Variants in GABPB1 observed in about 807,000 individuals in gnomAD.
GABPB1 encodes GA binding protein transcription factor subunit beta 1, also known as GA-binding protein subunit beta-1.
GABPB1 carries 15 observed loss-of-function variants against 45.9 expected under a neutral mutation model. The ratio of observed to expected loss-of-function variants is 0.33; its 90% CI spans 0.22 to 0.50. The LOEUF (loss-of-function observed/expected upper bound fraction) is 0.50. Ranked by LOEUF, GABPB1 falls within the 20% of genes least tolerant of loss-of-function variation. GABPB1 has a pLI of 0.98. For missense variants in GABPB1, 252 were observed against 457.5 expected, an observed-to-expected ratio of 0.55 and a Z score of 4.10; for synonymous variants, 143 against 154.4, an observed-to-expected ratio of 0.93 and a Z score of 0.55.
chr15:50,312,886 C>T (rs767263465), intron 1 of GABPB1, among the ~76,000 whole-genome samples: 5 of 151,954 alleles, frequency 3.3e-5, no homozygotes, highest in Non-Finnish European at 7.4e-5. Flanking sequence ...GATTTGTAAG[C>T]GTTCTGACAT....
At chr15:50,316,615 C>CAAA (rs35517315) in intron 1 of GABPB1, among the ~76,000 whole-genome samples, 1 of 151,710 alleles carries the variant, frequency 6.6e-6, no homozygotes, top group Non-Finnish European at 1.5e-5. Context: ...TACACACACC[C>CAAA]AGTCTTTAAA....
chr15:50,337,064 TATATGTGTGTG>T (rs2141142562), intron 1 of GABPB1, among the ~76,000 whole-genome samples: 2 of 14,592 alleles, frequency 1.4e-4, no homozygotes, highest in South Asian at 1.5e-3. Context: ...AAATTACATG[TATATGTGTGTG>T]TATATATATA....
chr15:50,283,111 A>G (rs1404673826), intron 8 of GABPB1, among the ~76,000 whole-genome samples: 2 of 152,200 alleles, frequency 1.3e-5, no homozygotes, highest in Non-Finnish European at 2.9e-5. Context: ...CAAAGAAAAC[A>G]TAAAGGTATT....
At chr15:50,324,595 A>G (rs1326062202) in intron 1 of GABPB1, among the ~76,000 whole-genome samples, 2 of 128,170 alleles carry the variant, frequency 1.6e-5, no homozygotes, top group East Asian at 2.5e-4. Flanking sequence ...CCCAGGCTGG[A>G]GTGCAGTGGG....
chr15:50,302,967 T>C lies in GABPB1; in HGVS notation c.433A>G (p.Ile145Val), dbSNP rs1357586939. 2.5e-6 allele frequency: 4 copies of C among 1,613,454 alleles called. No individual in the cohort carries two copies. Among genetic ancestry groups the C allele is most frequent in the African/African-American group, 2.7e-5 (2 of 74,918 alleles). The change falls in exon 4 of 9, where the codon ATA becomes GTA. Residue 145 changes from isoleucine to valine, a missense_variant. Physicochemically the swap from Ile to Val is conservative, Grantham distance 29. Transcript: ENST00000380877. ...GCTAAATCTTCATTTCCATTGTCTA[T>C]TGAAATATCAAATGCAGTTTTACAA... ...KFCKTAFDISIDNGNEDLAEI... is the reference protein window; with the variant it reads ...KFCKTAFDISVDNGNEDLAEI...
chr15:50,285,446 T>C (rs895776344), intron 8 of GABPB1, among the ~76,000 whole-genome samples: 4 of 152,136 alleles, frequency 2.6e-5, no homozygotes, highest in Non-Finnish European at 5.9e-5. Context: ...TATTATCAAG[T>C]TCATGGAACA....
chr15:50,299,259 T>C (rs569852739), intron 6 of GABPB1, among the ~76,000 whole-genome samples: 2 of 152,374 alleles, frequency 1.3e-5, no homozygotes, highest in African/African-American at 4.8e-5. Context: ...AAAAATATTT[T>C]CTTGGAATTT....
chr15:50,339,699 A>G (rs886452124), intron 1 of GABPB1, among the ~76,000 whole-genome samples: 2 of 152,302 alleles, frequency 1.3e-5, no homozygotes, highest in Admixed American at 6.5e-5. Flanking sequence ...TACAGATAAA[A>G]AATATTTATT....
At chr15:50,297,450 G>A (rs371468933) in intron 6 of GABPB1, among the ~76,000 whole-genome samples, 31 of 152,034 alleles carry the variant, frequency 2.0e-4, no homozygotes, top group African/African-American at 7.5e-4. Context: ...TCCTGACCTC[G>A]TAACCTGCCC....
rs1311623097 is a variant in GABPB1, at chr15:50,300,834, A to G, written c.652T>C (p.Leu218=). 6.2e-7 allele frequency: 1 copy of G among 1,613,284 alleles called. No homozygotes were observed. Among genetic ancestry groups the G allele is most frequent in the Non-Finnish European group, 8.5e-7 (1 of 1,179,222 alleles). Reference sequence around the variant, plus strand: ...GACAATGGAGCAGATGCTTCAGCTAAGGCAGCTAATGTAGCTAATACTGAT... The same window carrying G: ...GACAATGGAGCAGATGCTTCAGCTAGGGCAGCTAATGTAGCTAATACTGAT... ...STSVLATLAA[L]AEASAPLSNS... is the part of the protein sequence containing the mutation. Residue 218 remains leucine, a synonymous_variant, in exon 6 of 9, where the codon TTA becomes CTA. Transcript: ENST00000380877.
chr15:50,354,420 C>G, intron 1 of GABPB1: 1 of 451,408 alleles, frequency 2.2e-6, no homozygotes, highest in Non-Finnish European at 4.4e-6. Flanking sequence ...GCGACCCGAG[C>G]GCCTCTCGGC....
At chr15:50,346,259 T>C (rs569086038) in intron 1 of GABPB1, 3 of 152,212 alleles carry the variant, frequency 2.0e-5, no homozygotes, top group Admixed American at 1.3e-4. Flanking sequence ...AGAAGGAATA[T>C]GAGACAACAG....
intron 2 of GABPB1, among the ~76,000 whole-genome samples, chr15:50,305,649 GA>G (rs1406918257): frequency 6.6e-6 from 1 of 152,124 alleles, no homozygotes; most frequent in Non-Finnish European, 1.5e-5. Flanking sequence ...AGTATTTAAT[GA>G]AAATATCTCA....
Position 50,278,457 on chromosome 15 carries a change from C to T in GABPB1, c.*175G>A. 2.5e-6 allele frequency: 1 copy of T among 407,062 alleles called. No individual in the cohort carries two copies. The highest frequency in any genetic ancestry group is 3.9e-5 in the East Asian group (1 of 25,784). The allele number at this position is 407,062 out of a possible 1,614,324, so 25.2% of individuals were successfully genotyped here. ...ATTCAGTTTTAAATACATTTCACAA[C>T]TTCTAAAGTAAAGTTTTATGTTACA... On this transcript the variant is annotated 3_prime_UTR_variant, in exon 9 of 9. Coordinates refer to ENST00000380877, the MANE Select transcript of GABPB1 (RefSeq NM_016654.5).
intron 2 of GABPB1, among the ~76,000 whole-genome samples, chr15:50,306,787 G>C (rs1406240500): frequency 6.6e-6 from 1 of 151,820 alleles, no homozygotes; most frequent in Non-Finnish European, 1.5e-5. Context: ...TGCCTGTTTT[G>C]AGTTTTATTT....
At chr15:50,313,878 T>C (rs538637688) in intron 1 of GABPB1, among the ~76,000 whole-genome samples, 3 of 152,274 alleles carry the variant, frequency 2.0e-5, no homozygotes, top group African/African-American at 7.2e-5. Flanking sequence ...ACAAATTACA[T>C]TGTATGACTG....
intron 1 of GABPB1, among the ~76,000 whole-genome samples, chr15:50,336,812 A>G (rs2048146406): frequency 6.6e-6 from 1 of 151,774 alleles, no homozygotes. Context: ...CAAATCTATT[A>G]TAAGAAGTTA....
At chr15:50,290,863 T>C (rs1044216829) in intron 6 of GABPB1, among the ~76,000 whole-genome samples, 7 of 152,220 alleles carry the variant, frequency 4.6e-5, no homozygotes, top group African/African-American at 1.7e-4. Context: ...GCAGCACCTG[T>C]GGCCTTGTCT....
intron 1 of GABPB1, chr15:50,350,371 C>A (rs1211650438): frequency 6.9e-6 from 1 of 145,378 alleles, no homozygotes; most frequent in Non-Finnish European, 1.5e-5. Context: ...ATCTAGTATG[C>A]TCACAATTAA....
Sources: allele counts gnomAD v4.1 joint callset (sites outside exome capture counted in the v4.1 genomes callset), GRCh38; gene constraint gnomAD v4.1.1; transcripts MANE v1.5; gene names NCBI Gene and HGNC (gene_info 2026-07-23, HGNC 2026-07-21).